Variants in TMEM45A observed in about 807,000 individuals in gnomAD.
TMEM45A encodes the protein transmembrane protein 45A.
In TMEM45A, 25 loss-of-function variants were observed where a neutral mutation model predicts 32.0. That is an observed-to-expected ratio of 0.78 (90% CI 0.57 to 1.09). The LOEUF (loss-of-function observed/expected upper bound fraction) is 1.09, where lower values mean the gene tolerates loss of function less well. Among genes scored for constraint, TMEM45A ranks in the 50% least tolerant of loss-of-function variants. The pLI is 0.00. For missense variants in TMEM45A, 302 were observed against 325.0 expected, an observed-to-expected ratio of 0.93 and a Z score of 0.54; for synonymous variants, 122 against 114.8, an observed-to-expected ratio of 1.06 and a Z score of -0.40.
At position 100,577,242 on chromosome 3, in the gene TMEM45A, A is replaced by T. The variant is rs907991136; in HGVS notation, c.*224A>T. On this transcript the variant is annotated 3_prime_UTR_variant, in exon 6 of 6. Transcript: ENST00000323523. ...TTTTGCACATCATGCACATCATGGT[A>T]TTCAGGGGCTAGAGTGATTTTTTTC... is the stretch of plus-strand genomic sequence containing the variant. The T allele has an allele frequency of 7.2e-6, 3 of 416,464 alleles. No homozygotes were observed. Among genetic ancestry groups the T allele is most frequent in the African/African-American group, 6.2e-5 (3 of 48,004 alleles). 25.8% of individuals were successfully genotyped at this position (416,464 alleles called of 1,614,324 possible).
chr3:100,535,185 A>G (rs1437962000), intron 1 of TMEM45A, among the ~76,000 whole-genome samples: 1 of 151,608 alleles, frequency 6.6e-6, no homozygotes, highest in African/African-American at 2.4e-5. Flanking sequence ...CAGTGGTGCA[A>G]TCTCGGTTCA....
chr3:100,566,750 T>C (rs534875161), intron 4 of TMEM45A, among the ~76,000 whole-genome samples: 1 of 152,288 alleles, frequency 6.6e-6, no homozygotes, highest in African/African-American at 2.4e-5. Flanking sequence ...TGATGAACAA[T>C]GATATCCATA....
At chr3:100,528,852 G>C (rs1705595884) in intron 1 of TMEM45A, among the ~76,000 whole-genome samples, 1 of 152,142 alleles carries the variant, frequency 6.6e-6, no homozygotes, top group African/African-American at 2.4e-5. Context: ...CACTATGACA[G>C]AGCCAAAGAA....
At chr3:100,502,500 T>C (rs920386412) in intron 1 of TMEM45A, among the ~76,000 whole-genome samples, 1 of 152,162 alleles carries the variant, frequency 6.6e-6, no homozygotes, top group African/African-American at 2.4e-5. Flanking sequence ...AGGGTCCCAC[T>C]CTGTTGCCCA....
Position 100,552,784 on chromosome 3 carries a change from C to A in TMEM45A, c.-3-2425C>A, listed in dbSNP as rs569255930. Among the ~76,000 whole-genome samples the A allele has an allele frequency of 4.6e-5, 7 of 152,200 alleles. No individual in the cohort carries two copies. In the South Asian group the frequency reaches 8.3e-4, roughly 18 times the overall value. On this transcript the variant is annotated intron_variant, in intron 1 of 5. Coordinates refer to ENST00000323523, the MANE Select transcript of TMEM45A (RefSeq NM_018004.3). The stretch of plus-strand genomic sequence containing the variant: ...TTAGTAACTCCTTGTAAATTTAGAA[C>A]CTCATAGTATGTAAGGCAGTGGATA...
At chr3:100,509,347 A>C (rs1382064637) in intron 1 of TMEM45A, among the ~76,000 whole-genome samples, 1 of 152,244 alleles carries the variant, frequency 6.6e-6, no homozygotes, top group African/African-American at 2.4e-5. Flanking sequence ...AATGTAAATT[A>C]GTATAGCCAT....
intron 1 of TMEM45A, among the ~76,000 whole-genome samples, chr3:100,544,711 T>A (rs1231093905): frequency 1.3e-5 from 2 of 152,220 alleles, no homozygotes; most frequent in Non-Finnish European, 2.9e-5. Flanking sequence ...CTTTTTATTG[T>A]GGAGATGTAT....
At chr3:100,521,837 C>T (rs895548993) in intron 1 of TMEM45A, among the ~76,000 whole-genome samples, 13 of 152,208 alleles carry the variant, frequency 8.5e-5, no homozygotes, top group African/African-American at 1.4e-4. Flanking sequence ...GGCCCCAGTA[C>T]GGCTCTGGGC....
chr3:100,528,716 TAA>T (rs1310668940), intron 1 of TMEM45A, among the ~76,000 whole-genome samples: 1 of 152,192 alleles, frequency 6.6e-6, no homozygotes, highest in East Asian at 1.9e-4. Context: ...CTCTATAAGC[TAA>T]GTTTAAAAGA....
rs145045701 is a variant in TMEM45A at position 100,493,341 on chromosome 3, C to G, written c.-4+413C>G. Among the ~76,000 whole-genome samples the G allele has an allele frequency of 1.5e-3, 225 of 152,090 alleles. 2 individuals are homozygous for G. Among genetic ancestry groups the G allele is most frequent in the African/African-American group, 5.0e-3 (208 of 41,504 alleles). On this transcript the variant is annotated intron_variant, in intron 1 of 5. Coordinates refer to ENST00000323523, the MANE Select transcript of TMEM45A (RefSeq NM_018004.3). ...TTTGATGGGAGATTGAGAAAATTAT[C>G]TGATCTTTTCAGAATTAACACGTTT...
At chr3:100,558,642 T>A in intron 4 of TMEM45A, 53 bp downstream of exon 4, 1 of 1,571,954 alleles carries the variant, frequency 6.4e-7, no homozygotes, top group Admixed American at 1.8e-5. Flanking sequence ...GTAACTTCTC[T>A]GTTTATTTGA....
At chr3:100,574,904 G>T (rs993206120) in intron 5 of TMEM45A, among the ~76,000 whole-genome samples, 1 of 152,020 alleles carries the variant, frequency 6.6e-6, no homozygotes, top group Non-Finnish European at 1.5e-5. Context: ...AAGACCAAGG[G>T]TTAAATTTTC....
chr3:100,567,841 G>C (rs1198260922), intron 4 of TMEM45A, among the ~76,000 whole-genome samples: 1 of 152,134 alleles, frequency 6.6e-6, no homozygotes, highest in African/African-American at 2.4e-5. Flanking sequence ...CTGGAGAGCA[G>C]TGGCACAATC....
At chr3:100,537,273 C>A (rs931114897) in intron 1 of TMEM45A, among the ~76,000 whole-genome samples, 10 of 152,156 alleles carry the variant, frequency 6.6e-5, no homozygotes, top group Non-Finnish European at 1.3e-4. Flanking sequence ...CATGGTGTAA[C>A]CTCTGGGGGA....
At chr3:100,570,114 T>C (rs1003426025) in intron 5 of TMEM45A, among the ~76,000 whole-genome samples, 2 of 152,260 alleles carry the variant, frequency 1.3e-5, no homozygotes, top group Non-Finnish European at 2.9e-5. Context: ...CACTAGCTAT[T>C]GAGCACTTAA....
chr3:100,516,468 A>T (rs912329346), intron 1 of TMEM45A, among the ~76,000 whole-genome samples: 1 of 152,192 alleles, frequency 6.6e-6, no homozygotes, highest in East Asian at 1.9e-4. Flanking sequence ...ATTTTTCTAC[A>T]GGAAGAGAAT....
intron 1 of TMEM45A, among the ~76,000 whole-genome samples, chr3:100,516,409 T>C (rs1175540010): frequency 1.3e-5 from 2 of 152,242 alleles, no homozygotes; most frequent in African/African-American, 4.8e-5. Context: ...AAACTGCTTC[T>C]GTGCCCTGAT....
rs958565638 is a variant in TMEM45A, at chr3:100,494,451, G to A, written c.-4+1523G>A. On this transcript the variant is annotated intron_variant, in intron 1 of 5. Transcript: ENST00000323523. ...ATCCTGGCCAACATGGTGAATCCCT[G>A]TCTCTGCTAAAAATACAAAAATTAG... Among the ~76,000 whole-genome samples, 9 of 152,208 alleles carry A rather than the reference G, an allele frequency of 5.9e-5. No homozygotes were observed. In the Middle Eastern group the frequency reaches 0.014, roughly 230 times the overall value.
At chr3:100,571,961 G>T (rs1486774678) in intron 5 of TMEM45A, 1 of 152,158 alleles carries the variant, frequency 6.6e-6, no homozygotes, top group Non-Finnish European at 1.5e-5. Context: ...AGTATTCCAT[G>T]GTGTATATGT....
Sources: allele counts gnomAD v4.1 joint callset (sites outside exome capture counted in the v4.1 genomes callset), GRCh38; gene constraint gnomAD v4.1.1; transcripts MANE v1.5; gene names NCBI Gene and HGNC (gene_info 2026-07-23, HGNC 2026-07-21).